The following KCNK10 variants were observed in gnomAD, a reference collection of about 807,000 sequenced individuals.
KCNK10 encodes potassium two pore domain channel subfamily K member 10, also known as potassium channel subfamily K member 10.
KCNK10 carries 25 observed loss-of-function variants against 47.7 expected under a neutral mutation model. The observed-to-expected ratio is 0.52, with a 90% CI of 0.38 to 0.73. The LOEUF (loss-of-function observed/expected upper bound fraction) is 0.73, where lower values mean the gene tolerates loss of function less well. Ranked by LOEUF, KCNK10 falls within the 30% of genes least tolerant of loss-of-function variation. The pLI is 0.00. For missense variants in KCNK10, 563 were observed against 714.5 expected (o/e 0.79, Z 2.42); for synonymous variants, 303 against 285.6 (o/e 1.06, Z -0.61).
intron 2 of KCNK10, among the ~76,000 whole-genome samples, chr14:88,241,844 T>C (rs771971173): frequency 4.6e-4 from 70 of 152,098 alleles, no homozygotes; most frequent in Non-Finnish European, 6.0e-4. Context: ...TAAAAATCCC[T>C]CCCTAGCCTC....
intron 5 of KCNK10, among the ~76,000 whole-genome samples, chr14:88,188,356 A>G (rs1884640548): frequency 6.6e-6 from 1 of 151,244 alleles, no homozygotes; most frequent in Non-Finnish European, 1.5e-5. Context: ...AGAAATAAAA[A>G]ACGCCAGTGG....
chr14:88,285,676 G>A (rs932621139), intron 1 of KCNK10, among the ~76,000 whole-genome samples: 1 of 152,104 alleles, frequency 6.6e-6, no homozygotes, highest in Non-Finnish European at 1.5e-5. Flanking sequence ...GATTACTCAG[G>A]TTCTTTAATA....
At chr14:88,270,586 T>C (rs1887381128) in intron 1 of KCNK10, 1 of 693,814 alleles carries the variant, frequency 1.4e-6, no homozygotes, top group Non-Finnish European at 2.6e-6. Flanking sequence ...ATGGAAGAGA[T>C]CAAGCTATGA....
chr14:88,240,906 T>G, intron 2 of KCNK10, 86 bp from the exon 3 acceptor site: 1 of 802,320 alleles, frequency 1.2e-6, no homozygotes, highest in Non-Finnish European at 2.0e-6. Context: ...TTCCAATACA[T>G]TATTCCCCTA....
intron 3 of KCNK10, among the ~76,000 whole-genome samples, chr14:88,228,499 T>C (rs1029794927): frequency 6.6e-6 from 1 of 152,228 alleles, no homozygotes; most frequent in Non-Finnish European, 1.5e-5. Flanking sequence ...TGCCAATTGA[T>C]ATTACAATCT....
intron 4 of KCNK10, among the ~76,000 whole-genome samples, chr14:88,199,551 G>A (rs926672956): frequency 3.9e-5 from 6 of 152,164 alleles, no homozygotes; most frequent in African/African-American, 1.2e-4. Flanking sequence ...GGGTTCTCAT[G>A]TAGCCATAAA....
chr14:88,312,888 C>T (rs1888356688), intron 1 of KCNK10, among the ~76,000 whole-genome samples: 1 of 152,148 alleles, frequency 6.6e-6, no homozygotes, highest in Non-Finnish European at 1.5e-5. Context: ...TCATCATGCT[C>T]ACTGTCTTTC....
upstream of KCNK10, chr14:88,326,708 A>G (rs527672072): frequency 1.7e-4 from 91 of 524,560 alleles, no homozygotes; most frequent in African/African-American, 1.5e-3. Flanking sequence ...TCTGCAGCTC[A>G]AAACCTGCCC....
intron 4 of KCNK10, among the ~76,000 whole-genome samples, chr14:88,200,944 A>T (rs1192518988): frequency 2.0e-5 from 3 of 152,218 alleles, no homozygotes; most frequent in African/African-American, 7.2e-5. Flanking sequence ...GACACTGTGG[A>T]ACTGTTTGCC....
At chr14:88,235,924 C>T (rs536837742) in intron 3 of KCNK10, among the ~76,000 whole-genome samples, 2 of 152,172 alleles carry the variant, frequency 1.3e-5, no homozygotes, top group South Asian at 4.2e-4. Context: ...GATAAAGTCA[C>T]CTATAAAAGT....
chr14:88,205,830 C>A (rs1055133369), intron 4 of KCNK10, among the ~76,000 whole-genome samples: 2 of 152,142 alleles, frequency 1.3e-5, no homozygotes, highest in African/African-American at 4.8e-5. Flanking sequence ...GCATAAGCCA[C>A]CATGCCTGGC....
At chr14:88,241,114 G>A (rs1044359427) in intron 2 of KCNK10, among the ~76,000 whole-genome samples, 2 of 152,226 alleles carry the variant, frequency 1.3e-5, no homozygotes, top group African/African-American at 4.8e-5. Context: ...AATGTTACAA[G>A]TTTCTGTGCA....
intron 1 of KCNK10, among the ~76,000 whole-genome samples, chr14:88,281,636 G>A (rs1323213639): frequency 2.0e-5 from 3 of 151,562 alleles, no homozygotes; most frequent in Non-Finnish European, 2.9e-5. Context: ...CTCCTGGGTC[G>A]CCAGCTTGCT....
chr14:88,315,395 C>T (rs17124489), intron 1 of KCNK10, among the ~76,000 whole-genome samples: 28,854 of 152,054 alleles, frequency 0.19, 2,885 homozygotes, highest in East Asian at 0.25. Flanking sequence ...TTCCTCCCAT[C>T]AATTTTTCTT....
Position 88,188,112 on chromosome 14 carries a change from G to A in KCNK10, c.869-3C>T, listed in dbSNP as rs779098622. 2 of 1,614,130 alleles carry A rather than the reference G, an allele frequency of 1.2e-6. No individual in the cohort carries two copies. Among genetic ancestry groups the A allele is most frequent in the Non-Finnish European group, 8.5e-7 (1 of 1,179,998 alleles). On this transcript the variant is annotated splice_region_variant and splice_polypyrimidine_tract_variant and intron_variant, in intron 5 of 6. Transcript: ENST00000319231. Reference sequence around the variant, plus strand: ...ATAATTGATGCCAGCGTTTCCCCCTGAAAACAACCAAATGTTACTTTAACC... The same window carrying A: ...ATAATTGATGCCAGCGTTTCCCCCTAAAAACAACCAAATGTTACTTTAACC...
rs772601324 is a variant in KCNK10, at chr14:88,186,016, C to T, written c.1151G>A (p.Arg384Gln). 7 of 1,613,464 alleles carry T rather than the reference C, an allele frequency of 4.3e-6. No homozygotes were observed. Among genetic ancestry groups the T allele is most frequent in the East Asian group, 2.2e-5 (1 of 44,854 alleles). ...AATIRSMERR[R>Q]LGLDQRAHSL... ...GTGGGCCCGCTGGTCCAGGCCCAGC[C>T]GCCGGCGCTCCATGCTGCGGATGGT... is the stretch of plus-strand genomic sequence containing the variant. Residue 384 changes from arginine (R) to glutamine (Q), a missense_variant, in exon 7 of 7, where the codon CGG becomes CAG. Arg to Gln is a conservative substitution (Grantham distance 43, BLOSUM62 1). Transcript: ENST00000319231. This position sits in a 1 kb window ranked among gnomAD's most constrained non-coding sequence, Gnocchi z 5.5.
chr14:88,235,732 G>A (rs1287651315), intron 3 of KCNK10, among the ~76,000 whole-genome samples: 1 of 152,200 alleles, frequency 6.6e-6, no homozygotes, highest in East Asian at 1.9e-4. Flanking sequence ...AGACATAGAA[G>A]ATGAGCAAAG....
chr14:88,224,326 G>T (rs1885916433), intron 4 of KCNK10, among the ~76,000 whole-genome samples: 1 of 152,140 alleles, frequency 6.6e-6, no homozygotes, highest in Non-Finnish European at 1.5e-5. Context: ...TATATTCTCT[G>T]ATCAGCTTAT....
chr14:88,247,578 C>A (rs931184938), intron 2 of KCNK10, among the ~76,000 whole-genome samples: 9 of 152,184 alleles, frequency 5.9e-5, no homozygotes, highest in African/African-American at 1.9e-4. Context: ...AACTTTACAG[C>A]CTAGTTATAA....
Sources: gnomAD v4.1 joint callset for allele counts (sites outside exome capture counted in the v4.1 genomes callset) on GRCh38, gnomAD v4.1.1 for gene constraint, Gnocchi (gnomAD v3.1) non-coding constraint, MANE v1.5 for transcripts, NCBI Gene and HGNC (gene_info 2026-07-23, HGNC 2026-07-21) for gene names.